The following SMCO2 variants were observed in gnomAD, a reference collection of about 807,000 sequenced individuals.
The protein encoded by SMCO2 is single-pass membrane protein with coiled-coil domains 2.
SMCO2 carries 25 observed loss-of-function variants against 29.5 expected under a neutral mutation model. That is an observed-to-expected ratio of 0.85 (90% CI 0.62 to 1.18). The LOEUF (loss-of-function observed/expected upper bound fraction) is 1.18. SMCO2 is among the 50% of genes most tolerant of loss of function. The probability of loss-of-function intolerance (pLI) is 0.00; values close to 1 mark genes in which losing one functional copy is unlikely to be tolerated. For missense variants in SMCO2, 348 were observed against 344.5 expected, an observed-to-expected ratio of 1.01 and a Z score of -0.08; for synonymous variants, 117 against 123.3, an observed-to-expected ratio of 0.95 and a Z score of 0.34.
the SMCO2 span, among the ~76,000 whole-genome samples, chr12:27,440,369 T>G: frequency 5.4e-5 from 8 of 148,102 alleles, no homozygotes; most frequent in Non-Finnish European, 3.0e-5. Flanking sequence ...TTCTTCAATC[T>G]GAAAGAAAAA....
At chr12:27,427,122 A>G in the SMCO2 span, among the ~76,000 whole-genome samples, 1 of 152,326 alleles carries the variant, frequency 6.6e-6, no homozygotes, top group African/African-American at 2.4e-5. Context: ...CAAAGTGCTA[A>G]TAGAGTATGG....
the SMCO2 span, among the ~76,000 whole-genome samples, chr12:27,444,554 T>C: frequency 2.0e-5 from 3 of 152,078 alleles, no homozygotes; most frequent in Admixed American, 6.6e-5. Flanking sequence ...ACAAAGTGAA[T>C]AGACAACCCA....
exon 2 of SMCO2, chr12:27,470,714 A>G: frequency 6.4e-7 from 1 of 1,551,266 alleles, no homozygotes; most frequent in East Asian, 2.4e-5. Flanking sequence ...CTGACTAAGA[A>G]AAACAATGGC....
chr12:27,425,681 C>T, the SMCO2 span, among the ~76,000 whole-genome samples: 5 of 152,144 alleles, frequency 3.3e-5, no homozygotes, highest in Non-Finnish European at 7.3e-5. Flanking sequence ...GAAAGAGAGC[C>T]TCTCTATTTC....
chr12:27,437,332 C>G, the SMCO2 span, among the ~76,000 whole-genome samples: 1 of 152,076 alleles, frequency 6.6e-6, no homozygotes, highest in Non-Finnish European at 1.5e-5. Context: ...AGAGCCAACA[C>G]CTTTTGGAGA....
At chr12:27,488,693 T>C in intron 5 of SMCO2, 146 bp downstream of exon 6, 1 of 477,596 alleles carries the variant, frequency 2.1e-6, no homozygotes, top group South Asian at 7.6e-5. Flanking sequence ...AGCACCCTTT[T>C]CCTGAGTAAC....
At chr12:27,458,518 A>G in the SMCO2 span, among the ~76,000 whole-genome samples, 1 of 152,218 alleles carries the variant, frequency 6.6e-6, no homozygotes, top group Non-Finnish European at 1.5e-5. Flanking sequence ...ATTTAATATT[A>G]TCTACACTAA....
the SMCO2 span, among the ~76,000 whole-genome samples, chr12:27,429,790 A>G: frequency 6.6e-6 from 1 of 152,170 alleles, no homozygotes; most frequent in Admixed American, 6.5e-5. Flanking sequence ...TTGGAGTGCA[A>G]TTGCCAAATC....
In SMCO2 at chr12:27,468,182, T is replaced by C. The variant is rs1048574372; in HGVS notation, c.-11+1207T>C. On this transcript the variant is annotated intron_variant, in intron 1 of 7. Coordinates refer to ENST00000298876, the Ensembl canonical transcript of SMCO2. ...TTGATGCTGGATTATGAACTCAGCT[T>C]GATTCTCCAAAGTTTAGCTCTTATT... Among the ~76,000 whole-genome samples, 9 of 149,226 alleles carry C rather than the reference T, an allele frequency of 6.0e-5. No homozygotes were observed. In the East Asian group the frequency reaches 1.4e-3, roughly 23 times the overall value.
At chr12:27,445,148 C>T in the SMCO2 span, among the ~76,000 whole-genome samples, 3 of 151,942 alleles carry the variant, frequency 2.0e-5, no homozygotes, top group South Asian at 2.1e-4. Context: ...AAGTGAATCT[C>T]GTGAAGATAG....
chr12:27,470,486 A>G, intron 1 of SMCO2, 136 bp from the exon 2 acceptor site: 1 of 924,136 alleles, frequency 1.1e-6, no homozygotes, highest in Non-Finnish European at 1.5e-6. Flanking sequence ...GGGGTCCTTT[A>G]CGATGAACAG....
chr12:27,427,726 G>A, the SMCO2 span, among the ~76,000 whole-genome samples: 1 of 152,150 alleles, frequency 6.6e-6, no homozygotes, highest in South Asian at 2.1e-4. Context: ...TAGAATTGGT[G>A]TAGGTACTGC....
chr12:27,453,522 C>T, the SMCO2 span, among the ~76,000 whole-genome samples: 9 of 152,210 alleles, frequency 5.9e-5, no homozygotes, highest in South Asian at 4.1e-4. Flanking sequence ...CAGCTCCCCA[C>T]GCTGCAGAAT....
At chr12:27,440,788 G>A in the SMCO2 span, among the ~76,000 whole-genome samples, 2 of 151,336 alleles carry the variant, frequency 1.3e-5, no homozygotes, top group African/African-American at 2.4e-5. Context: ...AAAACCTATA[G>A]TAGCTTCACT....
At chr12:27,494,093 C>A (rs944795479) in intron 5 of SMCO2, 4 of 350,116 alleles carry the variant, frequency 1.1e-5, no homozygotes, top group Non-Finnish European at 2.1e-5. Flanking sequence ...TGAAAATAAT[C>A]TTGTTATGTT....
intron 4 of SMCO2, among the ~76,000 whole-genome samples, chr12:27,478,710 A>C (rs919043139): frequency 6.6e-6 from 1 of 152,120 alleles, no homozygotes; most frequent in Non-Finnish European, 1.5e-5. Flanking sequence ...CAGGCCCTTG[A>C]ACAATGTACA....
intron 2 of SMCO2, 148 bp downstream of exon 2, chr12:27,470,913 A>G: frequency 1.0e-6 from 1 of 999,838 alleles, no homozygotes. Flanking sequence ...AATCTCATGA[A>G]TATTTACTGT....
At chr12:27,451,396 T>TC in the SMCO2 span, among the ~76,000 whole-genome samples, 3,351 of 152,074 alleles carry the variant, frequency 0.022, 134 homozygotes, top group African/African-American at 0.077. Flanking sequence ...CTCTTCTCTT[T>TC]CCCCCAACCT....
At chr12:27,460,224 G>A in the SMCO2 span, among the ~76,000 whole-genome samples, 1 of 152,084 alleles carries the variant, frequency 6.6e-6, no homozygotes. Context: ...AAGGTGTTTA[G>A]GACAGTTATT....
Sources: gnomAD v4.1 joint callset for allele counts (sites outside exome capture counted in the v4.1 genomes callset) on GRCh38, gnomAD v4.1.1 for gene constraint, MANE v1.5 for transcripts, NCBI Gene and HGNC (gene_info 2026-07-23, HGNC 2026-07-21) for gene names.